ARAP2: variants seen among roughly 807,000 people sequenced by gnomAD.
The protein encoded by ARAP2 is arf-GAP with Rho-GAP domain, ANK repeat and PH domain-containing protein 2.
Under a neutral mutation model 194.5 loss-of-function variants are expected in ARAP2, and 148 were observed. The observed-to-expected ratio is 0.76, with a 90% confidence interval of 0.67 to 0.87. The LOEUF is 0.87. Ranked by LOEUF, ARAP2 falls within the 40% of genes least tolerant of loss-of-function variation. The pLI is 0.00. For synonymous variants in ARAP2, 695 were observed against 683.5 expected (o/e 1.02, Z -0.26); for missense variants, 2,128 against 1,989.7 (o/e 1.07, Z -1.32).
intron 5 of ARAP2, among the ~76,000 whole-genome samples, chr4:36,028,051 A>C (rs1718225699): frequency 6.6e-6 from 1 of 152,198 alleles, no homozygotes; most frequent in Admixed American, 6.5e-5. Flanking sequence ...CTATTCTTGC[A>C]TTCTCAGAAT....
At position 36,158,839 on chromosome 4, in the gene ARAP2, G is replaced by A. The variant is rs754132052; in HGVS notation, c.2643C>T (p.Ser881=). ...FSDFPQHDIH[S]EGVLSQESSQ... ...AAGACTCTTGACTTAATACACCCTC[G>A]GAATGAATATCATGTTGAGGGAAAT... Residue 881 remains serine (S), a synonymous_variant, in exon 15 of 33, where the codon TCC becomes TCT. Coordinates refer to ENST00000303965, the MANE Select transcript of ARAP2 (RefSeq NM_015230.4). 1.9e-5 allele frequency: 31 copies of A among 1,601,962 alleles called. No individual in the cohort carries two copies. The highest frequency in any genetic ancestry group is 1.3e-4 in the East Asian group (6 of 44,542).
At chr4:36,161,807 A>C (rs1304366211) in intron 11 of ARAP2, among the ~76,000 whole-genome samples, 2 of 150,122 alleles carry the variant, frequency 1.3e-5, no homozygotes, top group East Asian at 1.9e-4. Flanking sequence ...AAAAAAAAAA[A>C]AAAAAAAAAA....
chr4:36,178,237 T>C (rs564990528), intron 8 of ARAP2, among the ~76,000 whole-genome samples: 1 of 152,306 alleles, frequency 6.6e-6, no homozygotes, highest in East Asian at 1.9e-4. Flanking sequence ...TGAGAGTTTA[T>C]TAGAAATGCA....
chr4:36,155,403 C>T (rs936787886), intron 15 of ARAP2, among the ~76,000 whole-genome samples: 1 of 152,106 alleles, frequency 6.6e-6, no homozygotes, highest in Non-Finnish European at 1.5e-5. Context: ...AACTAGGGGG[C>T]ACTGAATTGA....
chr4:36,062,525 A>C (rs1412069595), downstream of ARAP2, among the ~76,000 whole-genome samples: 6 of 152,198 alleles, frequency 3.9e-5, no homozygotes, highest in Admixed American at 3.9e-4. Context: ...AACTAAGATC[A>C]AATGAGAGCT....
chr4:36,111,426 C>T (rs1577924636), intron 26 of ARAP2, among the ~76,000 whole-genome samples: 1 of 151,926 alleles, frequency 6.6e-6, no homozygotes, highest in African/African-American at 2.4e-5. Flanking sequence ...GGAGGTTTTC[C>T]CTTACTGCAA....
At chr4:36,231,989 C>T (rs1368451007) in intron 1 of ARAP2, among the ~76,000 whole-genome samples, 1 of 152,128 alleles carries the variant, frequency 6.6e-6, no homozygotes, top group African/African-American at 2.4e-5. Context: ...GCAAGAGACA[C>T]CAGAGAGTTT....
chr4:36,134,741 C>CAA (rs1560502860), intron 19 of ARAP2, among the ~76,000 whole-genome samples: 8 of 135,378 alleles, frequency 5.9e-5, no homozygotes, highest in Admixed American at 3.0e-4. Context: ...CAAATACACA[C>CAA]ACACACACAC....
intron 9 of ARAP2, among the ~76,000 whole-genome samples, chr4:36,010,412 A>C (rs1286816704): frequency 6.6e-6 from 1 of 151,988 alleles, no homozygotes; most frequent in Non-Finnish European, 1.5e-5. Context: ...AGTCACCCTG[A>C]CCAACCCCCT....
At chr4:36,126,265 T>C (rs898775056) in intron 21 of ARAP2, among the ~76,000 whole-genome samples, 2 of 152,004 alleles carry the variant, frequency 1.3e-5, no homozygotes, top group Admixed American at 1.3e-4. Flanking sequence ...GTAGGAGAAA[T>C]TGCATTTATT....
intron 27 of ARAP2, among the ~76,000 whole-genome samples, chr4:36,106,126 C>T (rs1403260627): frequency 7.0e-6 from 1 of 143,678 alleles, no homozygotes; most frequent in Non-Finnish European, 1.5e-5. Flanking sequence ...TGTCTTAAGA[C>T]ATTGTATGTT....
intron 2 of ARAP2, 63 bp from the exon 3 acceptor site, chr4:36,214,543 T>G: frequency 9.3e-7 from 1 of 1,074,622 alleles, no homozygotes; most frequent in South Asian, 1.8e-5. Flanking sequence ...TGAGTAAAAT[T>G]AAAATTATTA....
intron 6 of ARAP2, among the ~76,000 whole-genome samples, chr4:36,200,828 T>C (rs1425729300): frequency 2.0e-5 from 3 of 152,228 alleles, no homozygotes; most frequent in Non-Finnish European, 4.4e-5. Context: ...ACATACACTA[T>C]AAGAATTTGC....
At chr4:36,040,745 G>T (rs886458602) in intron 5 of ARAP2, among the ~76,000 whole-genome samples, 1 of 152,284 alleles carries the variant, frequency 6.6e-6, no homozygotes, top group Admixed American at 6.5e-5. Context: ...TGGGTCGAGA[G>T]TACGGGGTTT....
intron 1 of ARAP2, among the ~76,000 whole-genome samples, chr4:36,240,352 C>A (rs937495502): frequency 1.2e-4 from 18 of 152,282 alleles, no homozygotes; most frequent in Middle Eastern, 3.4e-3. Context: ...TTCTAATAAA[C>A]CCACAATGCA....
chr4:36,224,791 T>C (rs564528529), intron 2 of ARAP2, among the ~76,000 whole-genome samples: 24 of 152,150 alleles, frequency 1.6e-4, no homozygotes, highest in Non-Finnish European at 3.2e-4. Context: ...AAAAAGCATT[T>C]TAAAAGAAAG....
intron 2 of ARAP2, among the ~76,000 whole-genome samples, chr4:36,226,359 A>G (rs555680357): frequency 5.3e-5 from 8 of 152,308 alleles, no homozygotes; most frequent in African/African-American, 1.9e-4. Context: ...TTGGAAAATA[A>G]CAGGTGTAAA....
chr4:36,109,057 T>C (rs1300205480), intron 26 of ARAP2, among the ~76,000 whole-genome samples: 2 of 151,934 alleles, frequency 1.3e-5, no homozygotes, highest in African/African-American at 4.8e-5. Context: ...TAACTGATAA[T>C]AAAATCACAA....
intron 5 of ARAP2, among the ~76,000 whole-genome samples, chr4:36,033,078 T>C (rs570197564): frequency 2.0e-4 from 30 of 152,358 alleles, no homozygotes; most frequent in African/African-American, 7.2e-4. Context: ...CTGTCATTGA[T>C]GGGCATCGAG....
Sources: gnomAD v4.1 joint callset for allele counts (sites outside exome capture counted in the v4.1 genomes callset) on GRCh38, gnomAD v4.1.1 for gene constraint, MANE v1.5 for transcripts, NCBI Gene and HGNC (gene_info 2026-07-23, HGNC 2026-07-21) for gene names.